The following PNPLA8 variants were observed in gnomAD, a reference collection of about 807,000 sequenced individuals.
PNPLA8 encodes patatin like domain 8, phospholipase A2.
Under a neutral mutation model 76.9 loss-of-function variants are expected in PNPLA8, and 39 were observed. The observed-to-expected ratio is 0.51, with a 90% CI of 0.39 to 0.66. PNPLA8 has a LOEUF of 0.66. PNPLA8 is among the 30% of genes least tolerant of loss of function. The probability of loss-of-function intolerance (pLI) is 0.00; values close to 1 mark genes in which losing one functional copy is unlikely to be tolerated. For missense variants in PNPLA8, 887 were observed against 918.0 expected (o/e 0.97, Z 0.44); for synonymous variants, 301 against 307.9 (o/e 0.98, Z 0.24).
intron 2 of PNPLA8, among the ~76,000 whole-genome samples, chr7:108,517,761 G>A (rs1326647647): frequency 6.6e-6 from 1 of 152,044 alleles, no homozygotes; most frequent in Non-Finnish European, 1.5e-5. Context: ...TATGTAATAT[G>A]GGGTGTCTGT....
chr7:108,511,039 G>GCA, intron 4 of PNPLA8: 2 of 331,654 alleles, frequency 6.0e-6, no homozygotes, highest in East Asian at 5.5e-5. Context: ...CTCTCAAATT[G>GCA]GAAAAAAAAA....
At chr7:108,513,255 C>T (rs1333842296) in intron 4 of PNPLA8, among the ~76,000 whole-genome samples, 1 of 151,964 alleles carries the variant, frequency 6.6e-6, no homozygotes, top group African/African-American at 2.4e-5. Flanking sequence ...ATTTGAGAAT[C>T]TTATCTTTTA....
intron 4 of PNPLA8, among the ~76,000 whole-genome samples, chr7:108,511,528 A>G (rs1862932912): frequency 1.3e-5 from 2 of 152,216 alleles, no homozygotes; most frequent in South Asian, 4.1e-4. Context: ...AACACTTCAA[A>G]TAACACTGAG....
intron 8 of PNPLA8, among the ~76,000 whole-genome samples, chr7:108,488,465 T>G (rs1304264611): frequency 6.6e-6 from 1 of 152,016 alleles, no homozygotes; most frequent in Non-Finnish European, 1.5e-5. Flanking sequence ...TTCCAGCTAC[T>G]CGGGAGGCTG....
In PNPLA8 at chr7:108,514,963, T is replaced by C. The variant is rs1474346943; in HGVS notation, c.529A>G (p.Ile177Val). 3 of 1,609,926 alleles carry C rather than the reference T, an allele frequency of 1.9e-6. No individual in the cohort carries two copies. The highest frequency in any genetic ancestry group is 1.3e-5 in the African/African-American group (1 of 74,824). ...CCTATATCTTCTTCTTTGTCTATAA[T>C]GTGACTTTTCTCTTCTGGAAAAGGA... ...KSPFPEEKSH[I>V]IDKEEDIGKR... Residue 177 changes from isoleucine to valine, a missense_variant, in exon 3 of 11, where the codon ATT becomes GTT. Ile to Val is a conservative substitution (Grantham distance 29). Transcript: ENST00000257694.
At chr7:108,487,722 T>C in intron 9 of PNPLA8, 37 bp downstream of exon 9, 2 of 1,359,832 alleles carry the variant, frequency 1.5e-6, no homozygotes, top group South Asian at 2.7e-5. Flanking sequence ...TTTAATCATG[T>C]AAAATTTAAA....
chr7:108,492,345 TG>T (rs1861242696), intron 7 of PNPLA8, among the ~76,000 whole-genome samples: 1 of 152,220 alleles, frequency 6.6e-6, no homozygotes, highest in East Asian at 1.9e-4. Flanking sequence ...TTTCCCAACC[TG>T]ATCTATACAT....
intron 3 of PNPLA8, 66 bp from the exon 4 acceptor site, chr7:108,514,359 C>G: frequency 1.3e-6 from 2 of 1,538,904 alleles, no homozygotes. Context: ...ATGAAAGTTT[C>G]TTAGTTCTCA....
In PNPLA8 at chr7:108,471,537, T is replaced by C. The variant is rs893201967; in HGVS notation, c.*864A>G. ...GCAACTAACTTCTTATTTTTAAGCA[T>C]ACTGCTGCCAGGTGTATTCAAAGGC... is the stretch of plus-strand genomic sequence containing the variant. On this transcript the variant is annotated 3_prime_UTR_variant, in exon 11 of 11. Transcript: ENST00000257694. 1 of 152,170 alleles carries C rather than the reference T, an allele frequency of 6.6e-6. No individual in the cohort carries two copies. The highest frequency in any genetic ancestry group is 2.4e-5 in the African/African-American group (1 of 41,432). 9.4% of individuals were successfully genotyped at this position (152,170 alleles called of 1,614,324 possible).
rs1409013817 is a variant in PNPLA8, at chr7:108,496,509, T to G, written c.1625+75A>C. Reference sequence around the variant, plus strand: ...AATATGCAAGAATATAATTTAATATTGACATTTTTCAAATTATAATATGCA... The same window carrying G: ...AATATGCAAGAATATAATTTAATATGGACATTTTTCAAATTATAATATGCA... On this transcript the variant is annotated intron_variant, in intron 7 of 10. Coordinates refer to ENST00000257694, the MANE Select transcript of PNPLA8 (RefSeq NM_001256007.3). 3.6e-6 allele frequency: 3 copies of G among 841,034 alleles called. No individual in the cohort carries two copies. In the African/African-American group the frequency reaches 5.4e-5, roughly 15 times the overall value. The allele number at this position is 841,034 out of a possible 1,614,324, so 52.1% of individuals were successfully genotyped here.
chr7:108,518,029 C>A (rs1189281456), intron 2 of PNPLA8, among the ~76,000 whole-genome samples: 2 of 152,212 alleles, frequency 1.3e-5, no homozygotes, highest in Non-Finnish European at 2.9e-5. Flanking sequence ...GATTTGGTAT[C>A]TGCTGAAGGC....
chr7:108,501,361 T>C (rs1378249561), intron 5 of PNPLA8, among the ~76,000 whole-genome samples: 3 of 152,322 alleles, frequency 2.0e-5, no homozygotes, highest in East Asian at 3.9e-4. Context: ...TAGAGCTTAA[T>C]AGTGAAATTA....
At chr7:108,507,606 A>G (rs1207298671) in intron 4 of PNPLA8, among the ~76,000 whole-genome samples, 1 of 152,116 alleles carries the variant, frequency 6.6e-6, no homozygotes, top group East Asian at 1.9e-4. Flanking sequence ...AGACTATGGC[A>G]CTGCATTCCA....
intron 5 of PNPLA8, 66 bp from the exon 6 acceptor site, chr7:108,497,643 A>G: frequency 6.1e-6 from 5 of 824,918 alleles, no homozygotes. Context: ...AAGCTGTTGA[A>G]TAAAACAATC....
Position 108,471,419 on chromosome 7 carries a change from T to G in PNPLA8, c.*982A>C, listed in dbSNP as rs1431756057. 2.6e-5 allele frequency: 4 copies of G among 152,154 alleles called. No homozygotes were observed. The highest frequency in any genetic ancestry group is 5.9e-5 in the Non-Finnish European group (4 of 68,118). The allele number at this position is 152,154 out of a possible 1,614,324, so 9.4% of individuals were successfully genotyped here. On this transcript the variant is annotated 3_prime_UTR_variant, in exon 11 of 11. Coordinates refer to ENST00000257694, the MANE Select transcript of PNPLA8 (RefSeq NM_001256007.3). ...TATTAGAGACGAGGTTTCACCGTGT[T>G]GGCCAGGCTGGTCTTGGACTCCTGA... is the stretch of plus-strand genomic sequence containing the variant.
chr7:108,501,718 G>A (rs1014442106), intron 5 of PNPLA8, among the ~76,000 whole-genome samples: 5 of 152,072 alleles, frequency 3.3e-5, no homozygotes, highest in Admixed American at 6.6e-5. Context: ...CAGCTGCTTC[G>A]GAGACTGAGA....
At chr7:108,511,871 G>A (rs1862958845) in intron 4 of PNPLA8, among the ~76,000 whole-genome samples, 1 of 152,160 alleles carries the variant, frequency 6.6e-6, no homozygotes, top group African/African-American at 2.4e-5. Context: ...TATGTGCATA[G>A]AATGATTTCT....
rs1269327796 is a variant in PNPLA8 at position 108,491,431 on chromosome 7, T to C, written c.1662A>G (p.Ala554=). Residue 554 remains alanine (A), a synonymous_variant, in exon 8 of 11, where the codon GCA becomes GCG. Transcript: ENST00000257694. ...TTACCTTAGGACATGTGGGGTTTCT[T>C]GCTGTTTCAATCATCAGTGCAGATC... The part of the protein sequence containing the change: ...RMGSALMIET[A]RNPTCPKVAA... 6.2e-7 allele frequency: 1 copy of C among 1,606,140 alleles called. No individual in the cohort carries two copies. The highest frequency in any genetic ancestry group is 8.5e-7 in the Non-Finnish European group (1 of 1,172,666).
intron 8 of PNPLA8, among the ~76,000 whole-genome samples, chr7:108,488,984 C>T (rs191802440): frequency 6.6e-6 from 1 of 152,316 alleles, no homozygotes; most frequent in East Asian, 1.9e-4. Context: ...TGTCTCTAGG[C>T]CACTATGGAT....
Sources: allele counts gnomAD v4.1 joint callset (sites outside exome capture counted in the v4.1 genomes callset), GRCh38; gene constraint gnomAD v4.1.1; transcripts MANE v1.5; gene names NCBI Gene and HGNC (gene_info 2026-07-23, HGNC 2026-07-21).